Variants in TESK2 observed in about 807,000 individuals in gnomAD.
TESK2 encodes dual specificity testis-specific protein kinase 2.
Under a neutral mutation model 57.1 loss-of-function variants are expected in TESK2, and 39 were observed. The ratio of observed to expected loss-of-function variants is 0.68; its 90% CI spans 0.53 to 0.89. TESK2 has a LOEUF of 0.89. Ranked by LOEUF, TESK2 falls within the 40% of genes least tolerant of loss-of-function variation. The pLI, the probability that TESK2 is intolerant of heterozygous loss-of-function variation, is 0.00. For synonymous variants in TESK2, 249 were observed against 267.9 expected, an observed-to-expected ratio of 0.93 and a Z score of 0.69; for missense variants, 646 against 732.1, an observed-to-expected ratio of 0.88 and a Z score of 1.36.
chr1:45,472,985 A>T (rs1306329678), intron 1 of TESK2, among the ~76,000 whole-genome samples: 1 of 151,350 alleles, frequency 6.6e-6, no homozygotes, highest in Non-Finnish European at 1.5e-5. Context: ...AAAAAAAAAA[A>T]AAAAAAAAAT....
intron 2 of TESK2, among the ~76,000 whole-genome samples, chr1:45,443,390 C>A (rs915093638): frequency 6.6e-6 from 1 of 150,414 alleles, no homozygotes; most frequent in Non-Finnish European, 1.5e-5. Flanking sequence ...CATGGCAAAA[C>A]CCCATCTCTA....
chr1:45,461,595 G>A (rs989679454), intron 1 of TESK2, among the ~76,000 whole-genome samples: 12 of 152,106 alleles, frequency 7.9e-5, no homozygotes, highest in African/African-American at 2.9e-4. Flanking sequence ...AGGAAGGCTA[G>A]GCTGATTATA....
intron 4 of TESK2, among the ~76,000 whole-genome samples, chr1:45,360,443 C>T (rs750803884): frequency 6.6e-6 from 1 of 152,070 alleles, no homozygotes. Context: ...TATGTGCACT[C>T]TCTATAGGCC....
chr1:45,466,667 ATATATAT>A (rs898155795), intron 1 of TESK2, among the ~76,000 whole-genome samples: 8 of 148,300 alleles, frequency 5.4e-5, no homozygotes, highest in African/African-American at 1.2e-4. Context: ...AATAATAATA[ATATATAT>A]TATATATTAT....
At chr1:45,480,394 G>T (rs1653168770) in intron 1 of TESK2, among the ~76,000 whole-genome samples, 1 of 149,872 alleles carries the variant, frequency 6.7e-6, no homozygotes. Context: ...GGAGGTGGAG[G>T]TTGCAGTGAG....
At chr1:45,361,720 A>C (rs939052003) in intron 4 of TESK2, among the ~76,000 whole-genome samples, 7 of 152,236 alleles carry the variant, frequency 4.6e-5, no homozygotes, top group Non-Finnish European at 8.8e-5. Context: ...CATCTTTTTT[A>C]AAATCACCAA....
In TESK2 at chr1:45,369,916, T is replaced by C. The variant is rs148041264; in HGVS notation, c.394-14467A>G. On this transcript the variant is annotated intron_variant, in intron 4 of 10. Transcript: ENST00000372086. ...TAGTAGAGATGGGGGTTTCACCATG[T>C]TGGCCAGGCTGGTCTCGAACTCCTG... 5.7e-4 allele frequency among the ~76,000 whole-genome samples: 87 copies of C among 152,252 alleles called. No individual in the cohort carries two copies. The East Asian group carries it at 0.014, about 24-fold the overall frequency.
At chr1:45,373,040 A>G (rs1487270196) in intron 4 of TESK2, among the ~76,000 whole-genome samples, 1 of 151,656 alleles carries the variant, frequency 6.6e-6, no homozygotes, top group Non-Finnish European at 1.5e-5. Context: ...AAAAAAAAAA[A>G]AAAAAAAGAA....
chr1:45,385,392 G>C, intron 4 of TESK2: 1 of 960,462 alleles, frequency 1.0e-6, no homozygotes, highest in Non-Finnish European at 1.2e-6. Flanking sequence ...CGAGAATGAA[G>C]ATGTAAACTG....
At chr1:45,370,345 T>C (rs1432790908) in intron 4 of TESK2, among the ~76,000 whole-genome samples, 1 of 152,220 alleles carries the variant, frequency 6.6e-6, no homozygotes, top group Non-Finnish European at 1.5e-5. Context: ...AGGAAATCAC[T>C]GAAGGTTTCT....
At chr1:45,394,841 C>T (rs953591751) in intron 3 of TESK2, among the ~76,000 whole-genome samples, 1 of 151,770 alleles carries the variant, frequency 6.6e-6, no homozygotes, top group South Asian at 2.1e-4. Context: ...GAGGCGGCCA[C>T]CACACCTGGC....
intron 4 of TESK2, among the ~76,000 whole-genome samples, chr1:45,372,749 G>T (rs1557547311): frequency 6.7e-6 from 1 of 150,110 alleles, no homozygotes; most frequent in Non-Finnish European, 1.5e-5. Context: ...AAAAAAAAAA[G>T]AAAAGAAGGC....
rs1373395383 is a variant in TESK2, at chr1:45,405,746, G to A, written c.344+15979C>T. On this transcript the variant is annotated intron_variant, in intron 3 of 10. Transcript: ENST00000372086. ...ATTAGCCAGGTGTGGTGGTGTATAC[G>A]TGTAGTCCCTGCTACTCGGGAGGCT... is the stretch of plus-strand genomic sequence containing the variant. 3.3e-5 allele frequency among the ~76,000 whole-genome samples: 5 copies of A among 151,160 alleles called. No homozygotes were observed. The East Asian group carries it at 7.7e-4, about 23-fold the overall frequency.
At chr1:45,384,381 A>ATCTGTCTGTCTGTCTG (rs201603264) in intron 4 of TESK2, among the ~76,000 whole-genome samples, 23 of 134,766 alleles carry the variant, frequency 1.7e-4, no homozygotes, top group African/African-American at 6.7e-4. Context: ...CTATCTATCT[A>ATCTGTCTGTCTGTCTG]TCTATCTGTC....
chr1:45,367,643 C>T (rs972286021), intron 4 of TESK2, among the ~76,000 whole-genome samples: 6 of 149,188 alleles, frequency 4.0e-5, no homozygotes, highest in Non-Finnish European at 8.9e-5. Flanking sequence ...GCCACTGCAT[C>T]TGGTCACAAA....
chr1:45,387,375 C>G (rs749941074), intron 3 of TESK2, among the ~76,000 whole-genome samples: 2 of 151,758 alleles, frequency 1.3e-5, no homozygotes, highest in Admixed American at 6.6e-5. Flanking sequence ...AAATAAAAAC[C>G]ATAAATCAAT....
At chr1:45,440,727 A>T (rs551290971) in intron 2 of TESK2, among the ~76,000 whole-genome samples, 2 of 151,550 alleles carry the variant, frequency 1.3e-5, no homozygotes, top group East Asian at 4.0e-4. Flanking sequence ...AAAAAAAAAA[A>T]CAAACAAACA....
chr1:45,436,636 G>C (rs991694516), intron 2 of TESK2, among the ~76,000 whole-genome samples: 3 of 150,826 alleles, frequency 2.0e-5, no homozygotes, highest in African/African-American at 7.3e-5. Context: ...TTACAGGCAT[G>C]TGCCACCACA....
At chr1:45,434,442 C>A (rs4660856) in intron 2 of TESK2, among the ~76,000 whole-genome samples, 9,421 of 143,490 alleles carry the variant, frequency 0.066, 376 homozygotes, top group Non-Finnish European at 0.094. Context: ...CAGGTGTGCA[C>A]CACTACATCC....
Sources: allele counts gnomAD v4.1 joint callset (sites outside exome capture counted in the v4.1 genomes callset), GRCh38; gene constraint gnomAD v4.1.1; transcripts MANE v1.5; gene names NCBI Gene and HGNC (gene_info 2026-07-23, HGNC 2026-07-21).